ZNF782: variants seen among roughly 807,000 people sequenced by gnomAD.
ZNF782 encodes zinc finger protein 782.
A neutral mutation model predicts 13.0 loss-of-function variants in ZNF782; 12 were observed. The ratio of observed to expected loss-of-function variants is 0.92; its 90% CI spans 0.59 to 1.50. The LOEUF is 1.50. Among genes scored for constraint, ZNF782 ranks in the 40% most tolerant of loss-of-function variants. The probability of loss-of-function intolerance (pLI) is 0.00; values close to 1 mark genes in which losing one functional copy is unlikely to be tolerated. For synonymous variants in ZNF782, 284 were observed against 283.0 expected (o/e 1.00, Z -0.04); for missense variants, 770 against 822.9 (o/e 0.94, Z 0.79).
the ZNF782 span, chr9:96,933,397 G>A: frequency 6.6e-6 from 1 of 151,772 alleles, no homozygotes; most frequent in Non-Finnish European, 1.5e-5. Context: ...TTGAGATGGA[G>A]TCTCGCACTG....
intron 4 of ZNF782, 124 bp downstream of exon 4, chr9:96,844,766 A>T: frequency 1.5e-6 from 2 of 1,314,974 alleles, no homozygotes; most frequent in Non-Finnish European, 2.1e-6. Flanking sequence ...AAAAGTGACT[A>T]ATATAAAAAA....
Position 96,817,888 on chromosome 9 carries a change from C to T in ZNF782, c.*35G>A, listed in dbSNP as rs1366601047. 6.6e-7 allele frequency: 1 copy of T among 1,513,054 alleles called. No individual in the cohort carries two copies. Among genetic ancestry groups the T allele is most frequent in the African/African-American group, 1.4e-5 (1 of 71,482 alleles). 93.7% of individuals were successfully genotyped at this position (1,513,054 alleles called of 1,614,324 possible). ...ATGTATTGTGAGGTTTGATTTCCAGCTCAGAGTTTTTTCGTATTCTTTATA... is the reference window on the plus strand; with the variant it reads ...ATGTATTGTGAGGTTTGATTTCCAGTTCAGAGTTTTTTCGTATTCTTTATA... On this transcript the variant is annotated 3_prime_UTR_variant, in exon 6 of 6. Coordinates refer to ENST00000481138, the MANE Select transcript of ZNF782 (RefSeq NM_001001662.3).
intron 3 of ZNF782, among the ~76,000 whole-genome samples, chr9:96,860,014 A>G (rs1851685319): frequency 6.6e-6 from 1 of 152,148 alleles, no homozygotes. Flanking sequence ...ATGACGTCGT[A>G]GGTGGGAACA....
At chr9:96,925,331 G>A in the ZNF782 span, among the ~76,000 whole-genome samples, 4 of 151,702 alleles carry the variant, frequency 2.6e-5, no homozygotes, top group African/African-American at 7.3e-5. Flanking sequence ...CTCCAAGACC[G>A]TCCCTCCTAG....
Position 96,853,029 on chromosome 9 carries a change from C to A in ZNF782, c.-221G>T, listed in dbSNP as rs1190493221. Reference sequence around the variant, plus strand: ...TGCATGGGATTCTATGAGGTAGGGACAAAGTCTCCAGTGTCACATATGTTA... The same window carrying A: ...TGCATGGGATTCTATGAGGTAGGGAAAAAGTCTCCAGTGTCACATATGTTA... On this transcript the variant is annotated 5_prime_UTR_variant, in exon 2 of 6. Transcript: ENST00000481138. 2 of 151,724 alleles carry A rather than the reference C, an allele frequency of 1.3e-5. No individual in the cohort carries two copies. The highest frequency in any genetic ancestry group is 4.0e-4 in the East Asian group (2 of 5,060). 9.4% of individuals were successfully genotyped at this position (151,724 alleles called of 1,614,324 possible).
chr9:96,889,058 CA>C, the ZNF782 span: 2 of 152,224 alleles, frequency 1.3e-5, no homozygotes, highest in Non-Finnish European at 2.9e-5. Flanking sequence ...CAGGGCTTTG[CA>C]AAACTGTGAG....
chr9:96,834,734 C>T (rs984497228), intron 4 of ZNF782, among the ~76,000 whole-genome samples: 1 of 152,234 alleles, frequency 6.6e-6, no homozygotes, highest in South Asian at 2.1e-4. Flanking sequence ...TGTTATGTTA[C>T]GGCAACACAA....
chr9:96,916,227 C>T, the ZNF782 span, among the ~76,000 whole-genome samples: 5 of 151,932 alleles, frequency 3.3e-5, no homozygotes, highest in African/African-American at 1.2e-4. Flanking sequence ...CGCAATGGCT[C>T]ACGCCTGTAA....
At chr9:96,831,879 T>C (rs1850814404) in intron 4 of ZNF782, among the ~76,000 whole-genome samples, 1 of 152,164 alleles carries the variant, frequency 6.6e-6, no homozygotes, top group African/African-American at 2.4e-5. Context: ...TTCTTTTACT[T>C]TCAATCTACC....
At chr9:96,875,514 C>T (rs753294475) in exon 1 of ZNF782, 1 of 456,650 alleles carries the variant, frequency 2.2e-6, no homozygotes, top group Non-Finnish European at 4.4e-6. Context: ...CTCCACAGCT[C>T]GGGGTCTTGC....
upstream of ZNF782, among the ~76,000 whole-genome samples, chr9:96,857,441 G>A (rs117697230): frequency 0.01 from 1,537 of 152,270 alleles, 14 homozygotes; most frequent in Non-Finnish European, 0.015. Context: ...TTACTTTCTG[G>A]TCAAAACCAG....
the ZNF782 span, among the ~76,000 whole-genome samples, chr9:96,917,544 A>ACCT: frequency 6.6e-6 from 1 of 151,066 alleles, no homozygotes; most frequent in Non-Finnish European, 1.5e-5. Flanking sequence ...TGATTCTCCT[A>ACCT]CCTTAGCCTC....
At chr9:96,854,800 A>C (rs1414209197), upstream of ZNF782, among the ~76,000 whole-genome samples, 2 of 152,078 alleles carry the variant, frequency 1.3e-5, no homozygotes, top group Non-Finnish European at 2.9e-5. Flanking sequence ...TTTTTTCCGT[A>C]AGACTTTCGG....
chr9:96,907,965 T>C, the ZNF782 span, among the ~76,000 whole-genome samples: 2 of 151,800 alleles, frequency 1.3e-5, no homozygotes, highest in Non-Finnish European at 2.9e-5. Flanking sequence ...AAATTGAACA[T>C]TGCTTATTTT....
chr9:96,820,712 G>T (rs1850391009), intron 5 of ZNF782, among the ~76,000 whole-genome samples: 1 of 151,970 alleles, frequency 6.6e-6, no homozygotes, highest in Admixed American at 6.6e-5. Flanking sequence ...ACCATGCCCG[G>T]CTAATTTTTG....
chr9:96,819,026 C>G lies in ZNF782; in HGVS notation c.997G>C (p.Ala333Pro), dbSNP rs748827952. 5.0e-6 allele frequency: 8 copies of G among 1,613,984 alleles called. No homozygotes were observed. The African/African-American group carries it at 9.3e-5, about 19-fold the overall frequency. Reference protein sequence around the residue: ...STLPVHQRTHATDKYSDYHPC... With the variant: ...STLPVHQRTHPTDKYSDYHPC... ...TGATAATCAGAGTATTTATCTGTTG[C>G]ATGAGTTCTCTGATGCACTGGGAGG... The change falls in exon 6 of 6, where the codon GCA becomes CCA. Residue 333 changes from alanine to proline, a missense_variant. By Grantham distance (27) the Ala-to-Pro change is conservative. Coordinates refer to ENST00000481138, the MANE Select transcript of ZNF782 (RefSeq NM_001001662.3).
upstream of ZNF782, among the ~76,000 whole-genome samples, chr9:96,857,467 C>T (rs1026163820): frequency 6.6e-6 from 1 of 152,190 alleles, no homozygotes; most frequent in Non-Finnish European, 1.5e-5. Context: ...ACCTGTCATT[C>T]CTAAGAGTTC....
At chr9:96,835,816 GC>G (rs1334261353) in intron 4 of ZNF782, among the ~76,000 whole-genome samples, 1 of 152,212 alleles carries the variant, frequency 6.6e-6, no homozygotes, top group African/African-American at 2.4e-5. Context: ...CAGGGGCAGA[GC>G]CACTGCAGAG....
rs1850187514 is a variant in ZNF782, at chr9:96,816,800, T to C, written c.*1123A>G. 1 of 152,234 alleles carries C rather than the reference T, an allele frequency of 6.6e-6. No individual in the cohort carries two copies. The highest frequency in any genetic ancestry group is 1.5e-5 in the Non-Finnish European group (1 of 68,038). The allele number at this position is 152,234 out of a possible 1,614,324, so 9.4% of individuals were successfully genotyped here. On this transcript the variant is annotated 3_prime_UTR_variant, in exon 6 of 6. Coordinates refer to ENST00000481138, the MANE Select transcript of ZNF782 (RefSeq NM_001001662.3). ...ATTTGTTAAAATGTCAGATTTCTTA[T>C]GATATTACCTGTCTGATGAGGAAGA...
Sources: allele counts gnomAD v4.1 joint callset (sites outside exome capture counted in the v4.1 genomes callset), GRCh38; gene constraint gnomAD v4.1.1; transcripts MANE v1.5; gene names NCBI Gene and HGNC (gene_info 2026-07-23, HGNC 2026-07-21).